CAMKMT: variants seen among roughly 807,000 people sequenced by gnomAD.
The protein encoded by CAMKMT is calmodulin-lysine N-methyltransferase.
A neutral mutation model predicts 48.0 loss-of-function variants in CAMKMT; 53 were observed. The ratio of observed to expected loss-of-function variants is 1.10; its 90% CI spans 0.89 to 1.39. CAMKMT has a LOEUF of 1.39. Among genes scored for constraint, CAMKMT ranks in the 40% most tolerant of loss-of-function variants. The pLI, the probability that CAMKMT is intolerant of heterozygous loss-of-function variation, is 0.00. For synonymous variants in CAMKMT, 165 were observed against 152.3 expected (o/e 1.08, Z -0.61); for missense variants, 428 against 402.7 (o/e 1.06, Z -0.54).
chr2:44,734,238 A>C (rs1303011240), intron 7 of CAMKMT, among the ~76,000 whole-genome samples: 1 of 151,952 alleles, frequency 6.6e-6, no homozygotes, highest in African/African-American at 2.4e-5. Flanking sequence ...GCATCCCATA[A>C]ATTTTGATGT....
intron 3 of CAMKMT, among the ~76,000 whole-genome samples, chr2:44,659,580 AG>A (rs1209646045): frequency 6.6e-6 from 1 of 151,684 alleles, no homozygotes; most frequent in East Asian, 1.9e-4. Flanking sequence ...AAAAAAAAAA[AG>A]AAAAATTAGA....
chr2:44,646,401 C>T (rs1470805472), intron 3 of CAMKMT, among the ~76,000 whole-genome samples: 1 of 151,900 alleles, frequency 6.6e-6, no homozygotes, highest in African/African-American at 2.4e-5. Context: ...TTACCTGTCT[C>T]ATAACGTTAC....
At chr2:44,559,550 C>CT (rs140109439) in intron 3 of CAMKMT, among the ~76,000 whole-genome samples, 67,831 of 150,866 alleles carry the variant, frequency 0.45, 17,430 homozygotes, top group Non-Finnish European at 0.59. Context: ...TACATAACCA[C>CT]TTTTTTTTTA....
At chr2:44,390,349 C>T in intron 3 of CAMKMT, 44 bp downstream of exon 3, 1 of 1,386,112 alleles carries the variant, frequency 7.2e-7, no homozygotes, top group East Asian at 2.3e-5. Flanking sequence ...TAGTGTTTTA[C>T]AAAGTGAATT....
chr2:44,428,106 G>C (rs1684399568), intron 3 of CAMKMT, among the ~76,000 whole-genome samples: 1 of 152,144 alleles, frequency 6.6e-6, no homozygotes, highest in African/African-American at 2.4e-5. Flanking sequence ...GGAGGGTCAG[G>C]GTGACAGCTT....
At chr2:44,643,674 CT>C (rs1673575096) in intron 3 of CAMKMT, among the ~76,000 whole-genome samples, 1 of 152,046 alleles carries the variant, frequency 6.6e-6, no homozygotes, top group African/African-American at 2.4e-5. Flanking sequence ...TAGAAATATT[CT>C]GTATTTTTCT....
chr2:44,427,876 G>A (rs114261469), intron 3 of CAMKMT, among the ~76,000 whole-genome samples: 45 of 152,260 alleles, frequency 3.0e-4, no homozygotes, highest in African/African-American at 8.9e-4. Flanking sequence ...GGGTTGGCTC[G>A]TTTGCTCAGC....
At chr2:44,611,956 C>A (rs1671623847) in intron 3 of CAMKMT, among the ~76,000 whole-genome samples, 1 of 152,048 alleles carries the variant, frequency 6.6e-6, no homozygotes, top group Non-Finnish European at 1.5e-5. Context: ...GAGGGATCTG[C>A]CCCCATGATT....
At chr2:44,687,572 C>A (rs557539962) in intron 3 of CAMKMT, among the ~76,000 whole-genome samples, 1 of 152,334 alleles carries the variant, frequency 6.6e-6, no homozygotes, top group Non-Finnish European at 1.5e-5. Flanking sequence ...TCATTGCTAT[C>A]ATTCAGCCAC....
chr2:44,756,348 G>A (rs903168701), intron 9 of CAMKMT, among the ~76,000 whole-genome samples: 13 of 152,170 alleles, frequency 8.5e-5, no homozygotes, highest in African/African-American at 3.1e-4. Context: ...AAATGGTCAA[G>A]GTTTTATTTC....
At chr2:44,411,248 C>T (rs1259492710) in intron 3 of CAMKMT, among the ~76,000 whole-genome samples, 1 of 152,298 alleles carries the variant, frequency 6.6e-6, no homozygotes, top group South Asian at 2.1e-4. Flanking sequence ...TTCTGGCTAG[C>T]TGAGCATTCA....
rs183522978 is a variant in CAMKMT, at chr2:44,677,012, C to A, written c.377-27271C>A. Among the ~76,000 whole-genome samples, 30 of 152,212 alleles carry A rather than the reference C, an allele frequency of 2.0e-4. No individual in the cohort carries two copies. In the East Asian group the frequency reaches 5.8e-3, roughly 29 times the overall value. On this transcript the variant is annotated intron_variant, in intron 3 of 10. Transcript: ENST00000378494. Reference sequence around the variant, plus strand: ...GTTTTATTTTACAGTGCCCTTGATTCTTTATACCTGTCTGAGGACAGTGAC... The same window carrying A: ...GTTTTATTTTACAGTGCCCTTGATTATTTATACCTGTCTGAGGACAGTGAC...
At chr2:44,757,566 CTTT>C (rs1274573947) in intron 9 of CAMKMT, among the ~76,000 whole-genome samples, 4 of 134,374 alleles carry the variant, frequency 3.0e-5, no homozygotes, top group Admixed American at 1.5e-4. Flanking sequence ...ACTATGGGGG[CTTT>C]TTTTTTTTTT....
intron 3 of CAMKMT, among the ~76,000 whole-genome samples, chr2:44,672,218 C>T (rs1207284753): frequency 6.6e-6 from 1 of 152,150 alleles, no homozygotes; most frequent in East Asian, 1.9e-4. Context: ...GGGGAGATAG[C>T]CGCATGCAGA....
chr2:44,379,488 C>T (rs1680027340), intron 2 of CAMKMT, among the ~76,000 whole-genome samples: 1 of 152,110 alleles, frequency 6.6e-6, no homozygotes, highest in African/African-American at 2.4e-5. Flanking sequence ...GAATAGCCAA[C>T]TATTTTTCAT....
chr2:44,756,743 A>AG, intron 9 of CAMKMT, among the ~76,000 whole-genome samples: 1 of 146,792 alleles, frequency 6.8e-6, no homozygotes, highest in Non-Finnish European at 1.5e-5. Context: ...CTCTGTCTCA[A>AG]AAAAAAAAAA....
At chr2:44,402,740 G>GTTTTTTTTT in intron 3 of CAMKMT, among the ~76,000 whole-genome samples, 1 of 94,106 alleles carries the variant, frequency 1.1e-5, no homozygotes, top group Non-Finnish European at 2.1e-5. Context: ...TTGTTTTGCT[G>GTTTTTTTTT]TTTTTTTTTT....
At chr2:44,571,004 C>T (rs986974016) in intron 3 of CAMKMT, among the ~76,000 whole-genome samples, 1 of 152,062 alleles carries the variant, frequency 6.6e-6, no homozygotes, top group Non-Finnish European at 1.5e-5. Context: ...CCACAAGAAA[C>T]ATTTTGATTT....
intron 3 of CAMKMT, among the ~76,000 whole-genome samples, chr2:44,651,075 A>G (rs1313249295): frequency 6.6e-6 from 1 of 152,232 alleles, no homozygotes; most frequent in African/African-American, 2.4e-5. Context: ...AAATTACTCT[A>G]TTGCTGATGG....
Sources: allele counts gnomAD v4.1 joint callset (sites outside exome capture counted in the v4.1 genomes callset), GRCh38; gene constraint gnomAD v4.1.1; transcripts MANE v1.5; gene names NCBI Gene and HGNC (gene_info 2026-07-23, HGNC 2026-07-21).